The following RNF214 variants were observed in gnomAD, a reference collection of about 807,000 sequenced individuals.
RNF214 encodes ring finger protein 214.
A neutral mutation model predicts 75.9 loss-of-function variants in RNF214; 25 were observed. The ratio of observed to expected loss-of-function variants is 0.33; its 90% confidence interval spans 0.24 to 0.46. The LOEUF (loss-of-function observed/expected upper bound fraction) is 0.46. Among genes scored for constraint, RNF214 ranks in the 20% least tolerant of loss-of-function variants. The pLI, the probability that RNF214 is intolerant of heterozygous loss-of-function variation, is 1.00. For missense variants in RNF214, 725 were observed against 857.5 expected (o/e 0.85, Z 1.93); for synonymous variants, 314 against 308.8 (o/e 1.02, Z -0.18).
intron 6 of RNF214, 140 bp downstream of exon 6, chr11:117,247,088 CT>C: frequency 1.6e-6 from 1 of 641,814 alleles, no homozygotes; most frequent in Non-Finnish European, 2.5e-6. Context: ...TCTCCAATGA[CT>C]TTAGCTTTTT....
At chr11:117,253,057 AGCTAGAGTGTAGTGGT>A (rs1211199079) in intron 6 of RNF214, among the ~76,000 whole-genome samples, 4 of 152,264 alleles carry the variant, frequency 2.6e-5, no homozygotes, top group African/African-American at 7.2e-5. Flanking sequence ...CTGTTGGCCC[AGCTAGAGTGTAGTGGT>A]ACAGTCATGG....
chr11:117,239,060 T>C lies in RNF214; in HGVS notation c.567T>C (p.Asp189=). 1 of 1,614,064 alleles carries C rather than the reference T, an allele frequency of 6.2e-7. No individual in the cohort carries two copies. The highest frequency in any genetic ancestry group is 8.5e-7 in the Non-Finnish European group (1 of 1,180,016). ...TTGAAGGAGTCCGAGTGGATCAGGA[T>C]GATGATCAAGATAGCTCTTCCCTGA... ...NGVEGVRVDQ[D]DDQDSSSLKL... The change falls in exon 3 of 15, where the codon GAT becomes GAC. Residue 189 remains aspartate, a synonymous_variant. Transcript: ENST00000300650.
At chr11:117,268,448 T>C (rs1380687141) in intron 6 of RNF214, among the ~76,000 whole-genome samples, 2 of 152,216 alleles carry the variant, frequency 1.3e-5, no homozygotes, top group Non-Finnish European at 2.9e-5. Flanking sequence ...AAAGACAAGA[T>C]TGGGGTCGGG....
intron 5 of RNF214, among the ~76,000 whole-genome samples, chr11:117,246,045 A>G (rs955782788): frequency 2.0e-4 from 31 of 152,048 alleles, no homozygotes; most frequent in African/African-American, 7.5e-4. Context: ...GGCTCACCGT[A>G]TCTTTGACTT....
intron 2 of RNF214, among the ~76,000 whole-genome samples, chr11:117,236,806 A>G (rs910721066): frequency 6.6e-6 from 1 of 152,236 alleles, no homozygotes; most frequent in Admixed American, 6.5e-5. Context: ...TTCATACACT[A>G]GTAATAATGG....
At position 117,239,246 on chromosome 11, in the gene RNF214, A is replaced by G. The variant is rs111730498; in HGVS notation, c.618+135A>G. The G allele has an allele frequency of 1.8e-3, 1,465 of 801,400 alleles. 22 individuals carry two copies. The African/African-American group carries it at 0.023, about 13-fold the overall frequency. The allele number at this position is 801,400 out of a possible 1,614,324, so 49.6% of individuals were successfully genotyped here. A position where few individuals can be genotyped will look rare whatever the true frequency, so the allele number is the denominator to read the frequency against. On this transcript the variant is annotated intron_variant, in intron 3 of 14. Transcript: ENST00000300650. ...TGTTTTTTTTGCTAGCAACCATCAT[A>G]CTACTCTCATACAGTGCCATACAAT...
At chr11:117,243,462 A>G (rs1175099157) in intron 4 of RNF214, among the ~76,000 whole-genome samples, 1 of 152,202 alleles carries the variant, frequency 6.6e-6, no homozygotes, top group Non-Finnish European at 1.5e-5. Flanking sequence ...GCCTTTTGTT[A>G]AAATGATTAT....
chr11:117,251,472 G>C (rs868842533), intron 6 of RNF214, among the ~76,000 whole-genome samples: 1 of 74,722 alleles, frequency 1.3e-5, no homozygotes, highest in East Asian at 6.0e-4. Flanking sequence ...CTGGCCGGGC[G>C]GGGGGCTGAC....
Position 117,244,548 on chromosome 11 carries a change from T to A in RNF214, c.782T>A (p.Leu261His). 6.2e-7 allele frequency: 1 copy of A among 1,612,398 alleles called. No homozygotes were observed. The highest frequency in any genetic ancestry group is 8.5e-7 in the Non-Finnish European group (1 of 1,179,324). Residue 261 changes from leucine to histidine, a missense_variant, in exon 5 of 15, where the codon CTT (leucine) becomes CAT (histidine). Coordinates refer to ENST00000300650, the MANE Select transcript of RNF214 (RefSeq NM_207343.4). ...CAGCTCCAAGTGCAATTAAAGCAGC[T>A]TCAGCAAAGGAGAGAAGAGGAAATG... is the stretch of plus-strand genomic sequence containing the variant. ...ENQLQVQLKQ[L>H]QQRREEEMKN...
intron 6 of RNF214, among the ~76,000 whole-genome samples, chr11:117,259,745 T>G (rs1205697774): frequency 6.6e-6 from 1 of 152,208 alleles, no homozygotes; most frequent in East Asian, 1.9e-4. Flanking sequence ...CTAACTTTTT[T>G]ATTCCTTTTC....
rs114865893 is a variant in RNF214, at chr11:117,249,314, C to T, written c.959+2366C>T. On this transcript the variant is annotated intron_variant, in intron 6 of 14. Coordinates refer to ENST00000300650, the MANE Select transcript of RNF214 (RefSeq NM_207343.4). ...CTTTATGTAACTCTACTACCTTTTC[C>T]ATCTGATTGAATTGCTACAGATGGT... 9.9e-3 allele frequency among the ~76,000 whole-genome samples: 1,500 copies of T among 152,196 alleles called. 20 individuals are homozygous for T. Among genetic ancestry groups the T allele is most frequent in the African/African-American group, 0.032 (1,346 of 41,516 alleles).
intron 13 of RNF214, 47 bp downstream of exon 13, chr11:117,282,897 T>C (rs373113192): frequency 1.9e-5 from 28 of 1,456,658 alleles, no homozygotes; most frequent in Non-Finnish European, 2.6e-5. Context: ...AAGCTGGAGG[T>C]GAGGAAGGAG....
intron 6 of RNF214, among the ~76,000 whole-genome samples, chr11:117,279,038 A>G (rs2034072965): frequency 6.6e-6 from 1 of 152,214 alleles, no homozygotes; most frequent in Non-Finnish European, 1.5e-5. Context: ...TTGAGGCTGC[A>G]GTGAACCAAG....
At chr11:117,248,737 G>A (rs2033295598) in intron 6 of RNF214, among the ~76,000 whole-genome samples, 1 of 152,200 alleles carries the variant, frequency 6.6e-6, no homozygotes, top group Non-Finnish European at 1.5e-5. Flanking sequence ...CCCAGCCACT[G>A]TTAGTGATCA....
intron 8 of RNF214, 39 bp downstream of exon 8, chr11:117,280,298 A>AGTTTGTTT (rs3832781): frequency 4.6e-6 from 6 of 1,309,282 alleles, no homozygotes; most frequent in East Asian, 4.6e-5. Context: ...ATTGTTTTGC[A>AGTTTGTTT]GTTTGTTTGT....
At chr11:117,239,587 T>C (rs931685540) in intron 3 of RNF214, 2 of 552,768 alleles carry the variant, frequency 3.6e-6, no homozygotes, top group Non-Finnish European at 6.5e-6. Flanking sequence ...AGTCAGTCAT[T>C]GGGTCTTGTT....
intron 8 of RNF214, among the ~76,000 whole-genome samples, 173 bp from the exon 9 acceptor site, chr11:117,281,141 A>G (rs938607422): frequency 1.3e-5 from 2 of 151,652 alleles, no homozygotes; most frequent in Admixed American, 6.6e-5. Context: ...CACCTGGCTA[A>G]TTTTGCATTT....
intron 6 of RNF214, among the ~76,000 whole-genome samples, chr11:117,266,051 T>C (rs1453541930): frequency 6.6e-6 from 1 of 152,242 alleles, no homozygotes; most frequent in African/African-American, 2.4e-5. Flanking sequence ...AGTTTATTCC[T>C]TTTTAATGCT....
chr11:117,234,765 T>C (rs1052160126), intron 2 of RNF214, among the ~76,000 whole-genome samples: 8 of 152,218 alleles, frequency 5.3e-5, no homozygotes, highest in African/African-American at 1.9e-4. Context: ...CCCAAACTTA[T>C]ATCTCATAGT....
Sources: allele counts gnomAD v4.1 joint callset (sites outside exome capture counted in the v4.1 genomes callset), GRCh38; gene constraint gnomAD v4.1.1; transcripts MANE v1.5; gene names NCBI Gene and HGNC (gene_info 2026-07-23, HGNC 2026-07-21).